ERBB4: variants seen among roughly 807,000 people sequenced by gnomAD.
ERBB4 encodes the protein receptor tyrosine-protein kinase erbB-4.
Under a neutral mutation model 158.0 loss-of-function variants are expected in ERBB4, and 42 were observed. The ratio of observed to expected loss-of-function variants is 0.27; its 90% confidence interval spans 0.21 to 0.34. The LOEUF (loss-of-function observed/expected upper bound fraction) is 0.34, where lower values mean the gene tolerates loss of function less well. ERBB4 is among the 10% of genes least tolerant of loss of function. The pLI is 1.00. For missense variants in ERBB4, 1,333 were observed against 1,624.1 expected (o/e 0.82, Z 3.08); for synonymous variants, 583 against 558.7 (o/e 1.04, Z -0.61).
At chr2:211,754,155 T>G (rs960551618) in intron 4 of ERBB4, among the ~76,000 whole-genome samples, 6 of 152,074 alleles carry the variant, frequency 3.9e-5, no homozygotes, top group Non-Finnish European at 7.4e-5. Context: ...CCACCGCGCC[T>G]GGCCAAAAGT....
chr2:212,252,191 T>C (rs6728429), intron 1 of ERBB4, among the ~76,000 whole-genome samples: 2,130 of 152,148 alleles, frequency 0.014, 40 homozygotes, highest in African/African-American at 0.049. Flanking sequence ...GGGTCATTTA[T>C]ATACAGCATT....
At chr2:212,340,045 TTC>T (rs1491204620) in intron 1 of ERBB4, among the ~76,000 whole-genome samples, 1 of 92,248 alleles carries the variant, frequency 1.1e-5, no homozygotes, top group African/African-American at 3.1e-5. Context: ...CAAATTAATA[TTC>T]TTTTTTTTTT....
intron 1 of ERBB4, among the ~76,000 whole-genome samples, chr2:212,293,806 C>T (rs1170081525): frequency 7.5e-6 from 1 of 132,738 alleles, no homozygotes; most frequent in Non-Finnish European, 1.5e-5. Context: ...CAAAATAGTG[C>T]CACTGCACTC....
chr2:211,424,228 A>G lies in ERBB4; in HGVS notation c.2793T>C (p.Asp931=), dbSNP rs1416456548. The G allele has an allele frequency of 2.5e-6, 4 of 1,613,244 alleles. No individual in the cohort carries two copies. In the African/African-American group the frequency reaches 4.0e-5, roughly 16 times the overall value. Residue 931 remains aspartate (D), a synonymous_variant, in exon 23 of 28, where the codon GAT becomes GAC. Coordinates refer to ENST00000342788, the MANE Select transcript of ERBB4 (RefSeq NM_005235.3). ...GCAAACGTTCTCCTTTCTCTAATAA[A>G]TCAGGGATTTCTCGCGTTGGAATTC... ...YDGIPTREIP[D]LLEKGERLPQ... is the part of the protein sequence containing the mutation.
chr2:211,802,137 T>C (rs527447453), intron 3 of ERBB4, among the ~76,000 whole-genome samples: 2 of 152,146 alleles, frequency 1.3e-5, no homozygotes, highest in East Asian at 3.9e-4. Context: ...CGGGCACCTG[T>C]AGTCGCAGCT....
At chr2:212,481,755 C>T (rs996032012) in intron 1 of ERBB4, among the ~76,000 whole-genome samples, 1 of 152,128 alleles carries the variant, frequency 6.6e-6, no homozygotes, top group Non-Finnish European at 1.5e-5. Context: ...AGCAATGTTT[C>T]TCAAAGATGA....
intron 20 of ERBB4, among the ~76,000 whole-genome samples, chr2:211,484,106 G>C (rs1166503077): frequency 6.6e-6 from 1 of 152,036 alleles, no homozygotes; most frequent in Non-Finnish European, 1.5e-5. Context: ...CTTAAAGATA[G>C]ACTGATAAAT....
chr2:212,492,911 C>T (rs1159435903), intron 1 of ERBB4, among the ~76,000 whole-genome samples: 1 of 151,452 alleles, frequency 6.6e-6, no homozygotes, highest in African/African-American at 2.4e-5. Context: ...TTACTCCATA[C>T]AGTAGTCATT....
chr2:212,284,168 A>G (rs79719186), intron 1 of ERBB4, among the ~76,000 whole-genome samples: 1 of 152,136 alleles, frequency 6.6e-6, no homozygotes, highest in Non-Finnish European at 1.5e-5. Flanking sequence ...AGATAAGAAT[A>G]TAAGTTTTTC....
At chr2:212,061,653 T>C (rs1266821368) in intron 2 of ERBB4, among the ~76,000 whole-genome samples, 1 of 151,792 alleles carries the variant, frequency 6.6e-6, no homozygotes, top group Non-Finnish European at 1.5e-5. Context: ...AACTGTTATG[T>C]GGATTATGTG....
intron 2 of ERBB4, among the ~76,000 whole-genome samples, chr2:212,055,411 G>A (rs1384156939): frequency 6.6e-6 from 1 of 152,226 alleles, no homozygotes; most frequent in Non-Finnish European, 1.5e-5. Context: ...GTCCCTGTCT[G>A]ACAGCTTTGA....
At chr2:212,455,019 T>C (rs988067673) in intron 1 of ERBB4, among the ~76,000 whole-genome samples, 3 of 152,200 alleles carry the variant, frequency 2.0e-5, no homozygotes, top group Admixed American at 6.5e-5. Flanking sequence ...TAATATTCAT[T>C]TAGCATGACG....
chr2:211,731,485 GA>G (rs992808813), intron 5 of ERBB4, among the ~76,000 whole-genome samples: 21 of 152,212 alleles, frequency 1.4e-4, no homozygotes, highest in African/African-American at 5.1e-4. Flanking sequence ...TGGATGTGAG[GA>G]AGAATTACTG....
In ERBB4 at chr2:212,388,925, C is replaced by T. The variant is rs566877687; in HGVS notation, c.82+149524G>A. ...GAATCTGAACCAGAAATGGACCAAC[C>T]TAAATAACTGAACAAGGCATCTCTA... On this transcript the variant is annotated intron_variant, in intron 1 of 27. Coordinates refer to ENST00000342788, the MANE Select transcript of ERBB4 (RefSeq NM_005235.3). 2.0e-5 allele frequency among the ~76,000 whole-genome samples: 3 copies of T among 152,182 alleles called. No homozygotes were observed. In the South Asian group the frequency reaches 6.2e-4, roughly 32 times the overall value.
intron 1 of ERBB4, among the ~76,000 whole-genome samples, chr2:212,230,212 G>A (rs966566798): frequency 6.6e-6 from 1 of 152,212 alleles, no homozygotes; most frequent in Admixed American, 6.5e-5. Context: ...TTGAACCTGG[G>A]AGGTGGAGGT....
intron 1 of ERBB4, among the ~76,000 whole-genome samples, chr2:212,350,879 C>G (rs1324739555): frequency 1.3e-5 from 2 of 152,084 alleles, no homozygotes; most frequent in Non-Finnish European, 2.9e-5. Context: ...ACACTGTGTT[C>G]TAATGAGTAA....
intron 1 of ERBB4, among the ~76,000 whole-genome samples, chr2:212,377,325 G>A (rs2090359192): frequency 6.6e-6 from 1 of 150,836 alleles, no homozygotes; most frequent in Non-Finnish European, 1.5e-5. Context: ...CTTCTATAGA[G>A]ATATGTTCTG....
intron 20 of ERBB4, among the ~76,000 whole-genome samples, chr2:211,464,562 G>A (rs559136023): frequency 1.8e-4 from 27 of 152,090 alleles, no homozygotes; most frequent in South Asian, 8.3e-4. Flanking sequence ...TTGTGTGGTC[G>A]TGGTCAAATC....
At chr2:212,145,011 G>A (rs1037567856) in intron 1 of ERBB4, among the ~76,000 whole-genome samples, 1 of 152,140 alleles carries the variant, frequency 6.6e-6, no homozygotes, top group Non-Finnish European at 1.5e-5. Context: ...AAAGCTTTAT[G>A]TGTAATTGAA....
Sources: gnomAD v4.1 joint callset for allele counts (sites outside exome capture counted in the v4.1 genomes callset) on GRCh38, gnomAD v4.1.1 for gene constraint, MANE v1.5 for transcripts, NCBI Gene and HGNC (gene_info 2026-07-23, HGNC 2026-07-21) for gene names.